Variants in FHIP1A observed in about 807,000 individuals in gnomAD.
FHIP1A encodes FHF complex subunit HOOK-interacting protein 1A.
Under a neutral mutation model 88.6 loss-of-function variants are expected in FHIP1A, and 61 were observed. The ratio of observed to expected loss-of-function variants is 0.69; its 90% CI spans 0.56 to 0.85. The LOEUF (loss-of-function observed/expected upper bound fraction) is 0.85. FHIP1A is among the 40% of genes least tolerant of loss of function. FHIP1A has a pLI of 0.00. For synonymous variants in FHIP1A, 478 were observed against 496.0 expected, an observed-to-expected ratio of 0.96 and a Z score of 0.48; for missense variants, 1,154 against 1,273.5, an observed-to-expected ratio of 0.91 and a Z score of 1.43.
At chr4:151,417,655 C>T (rs1732945817) in intron 1 of FHIP1A, among the ~76,000 whole-genome samples, 1 of 152,132 alleles carries the variant, frequency 6.6e-6, no homozygotes, top group Non-Finnish European at 1.5e-5. Flanking sequence ...CAGCATGAAT[C>T]AGCCTTAGGT....
At chr4:151,640,840 G>A (rs1317831931) in intron 9 of FHIP1A, among the ~76,000 whole-genome samples, 1 of 152,116 alleles carries the variant, frequency 6.6e-6, no homozygotes, top group Non-Finnish European at 1.5e-5. Context: ...TCATATAGTG[G>A]TGTTTGTTGT....
chr4:151,625,972 G>GA (rs1418447130), intron 7 of FHIP1A, among the ~76,000 whole-genome samples: 1 of 152,230 alleles, frequency 6.6e-6, no homozygotes, highest in Non-Finnish European at 1.5e-5. Context: ...GCATGGCGTA[G>GA]ATGATTGTGA....
intron 1 of FHIP1A, among the ~76,000 whole-genome samples, chr4:151,436,674 A>G (rs1728216781): frequency 6.6e-6 from 1 of 152,200 alleles, no homozygotes; most frequent in African/African-American, 2.4e-5. Context: ...CTCAGTTCTT[A>G]GGAAGTGGAA....
At chr4:151,450,087 T>G (rs1419256272) in intron 1 of FHIP1A, among the ~76,000 whole-genome samples, 5 of 152,142 alleles carry the variant, frequency 3.3e-5, no homozygotes, top group African/African-American at 9.7e-5. Flanking sequence ...GAGCACACAT[T>G]TCATAAAAGT....
At chr4:151,520,025 A>G (rs1580661701) in intron 3 of FHIP1A, among the ~76,000 whole-genome samples, 1 of 152,046 alleles carries the variant, frequency 6.6e-6, no homozygotes, top group South Asian at 2.1e-4. Flanking sequence ...CTTTATTCCC[A>G]TTTTGTGACT....
intron 7 of FHIP1A, among the ~76,000 whole-genome samples, chr4:151,602,462 T>TTA (rs1734909963): frequency 6.6e-6 from 1 of 152,106 alleles, no homozygotes; most frequent in African/African-American, 2.4e-5. Context: ...GACTGACATG[T>TTA]TAATTTAAGC....
intron 3 of FHIP1A, among the ~76,000 whole-genome samples, chr4:151,513,007 C>T (rs1314361056): frequency 6.6e-6 from 1 of 152,130 alleles, no homozygotes; most frequent in Non-Finnish European, 1.5e-5. Flanking sequence ...TTGTCAGATT[C>T]ACCAAAGTTG....
chr4:151,584,278 G>A (rs1049643604), intron 5 of FHIP1A, among the ~76,000 whole-genome samples: 15 of 152,046 alleles, frequency 9.9e-5, no homozygotes, highest in Non-Finnish European at 2.1e-4. Flanking sequence ...CTCCAGTGTG[G>A]ACTTGAATGA....
chr4:151,643,999 TCAAA>T (rs1447775045), intron 9 of FHIP1A, among the ~76,000 whole-genome samples: 2 of 152,216 alleles, frequency 1.3e-5, no homozygotes, highest in Admixed American at 6.5e-5. Flanking sequence ...TTTTAATACT[TCAAA>T]CAAAGAATAA....
intron 3 of FHIP1A, among the ~76,000 whole-genome samples, chr4:151,542,102 T>G (rs1004513457): frequency 6.6e-6 from 1 of 152,114 alleles, no homozygotes; most frequent in Non-Finnish European, 1.5e-5. Flanking sequence ...TTTTCTTTTT[T>G]GCCCAGTAAA....
At chr4:151,548,562 T>G (rs995699558) in intron 3 of FHIP1A, among the ~76,000 whole-genome samples, 1 of 152,158 alleles carries the variant, frequency 6.6e-6, no homozygotes, top group African/African-American at 2.4e-5. Flanking sequence ...TGACCTCTGG[T>G]GGTCCTCACT....
chr4:151,653,831 C>T (rs144373986), intron 11 of FHIP1A, among the ~76,000 whole-genome samples: 37 of 151,974 alleles, frequency 2.4e-4, no homozygotes, highest in African/African-American at 8.7e-4. Flanking sequence ...GGTGCAGGCT[C>T]GATGGAGGCA....
intron 3 of FHIP1A, among the ~76,000 whole-genome samples, chr4:151,513,492 G>A (rs1008668450): frequency 8.5e-5 from 13 of 152,230 alleles, no homozygotes; most frequent in Non-Finnish European, 1.3e-4. Flanking sequence ...GCTCCAATTA[G>A]AAGACACAGA....
intron 1 of FHIP1A, among the ~76,000 whole-genome samples, chr4:151,424,588 C>T (rs538394995): frequency 6.6e-6 from 1 of 152,172 alleles, no homozygotes; most frequent in East Asian, 1.9e-4. Flanking sequence ...ACCCTAAGGA[C>T]TACATCAGAT....
chr4:151,569,814 GGA>G (rs1733528632), intron 4 of FHIP1A, among the ~76,000 whole-genome samples: 1 of 152,152 alleles, frequency 6.6e-6, no homozygotes, highest in African/African-American at 2.4e-5. Flanking sequence ...CTGTGATTCT[GGA>G]GAGTTGCCAG....
intron 3 of FHIP1A, among the ~76,000 whole-genome samples, chr4:151,546,547 A>T (rs1279425288): frequency 6.6e-6 from 1 of 152,236 alleles, no homozygotes; most frequent in Non-Finnish European, 1.5e-5. Flanking sequence ...TATAGCAGTG[A>T]ACAAAATGTA....
intron 3 of FHIP1A, among the ~76,000 whole-genome samples, chr4:151,532,037 G>A (rs990899967): frequency 5.3e-5 from 8 of 152,202 alleles, no homozygotes; most frequent in African/African-American, 9.6e-5. Context: ...ATGTGGATAC[G>A]TGGCATCGCA....
chr4:151,418,491 A>G (rs1315139372), intron 1 of FHIP1A, among the ~76,000 whole-genome samples: 2 of 152,128 alleles, frequency 1.3e-5, no homozygotes, highest in African/African-American at 4.8e-5. Flanking sequence ...ATGTCTTAGG[A>G]TTGGTTTCAC....
intron 1 of FHIP1A, among the ~76,000 whole-genome samples, chr4:151,438,258 G>T (rs918614170): frequency 3.9e-5 from 6 of 152,188 alleles, no homozygotes; most frequent in Non-Finnish European, 7.4e-5. Flanking sequence ...TGTGTAATGG[G>T]ACTATTTTCC....
Sources: gnomAD v4.1 joint callset for allele counts (sites outside exome capture counted in the v4.1 genomes callset) on GRCh38, gnomAD v4.1.1 for gene constraint, MANE v1.5 for transcripts, NCBI Gene and HGNC (gene_info 2026-07-23, HGNC 2026-07-21) for gene names.